Variants in UBL3 observed in about 807,000 individuals in gnomAD.
UBL3 encodes the protein ubiquitin-like protein 3.
A neutral mutation model predicts 18.4 loss-of-function variants in UBL3; 6 were observed. That is an observed-to-expected ratio of 0.33 (90% CI 0.18 to 0.64). The LOEUF (loss-of-function observed/expected upper bound fraction) is 0.64. Ranked by LOEUF, UBL3 falls within the 30% of genes least tolerant of loss-of-function variation. UBL3 has a pLI of 0.76. For synonymous variants in UBL3, 49 were observed against 46.6 expected, an observed-to-expected ratio of 1.05 and a Z score of -0.21; for missense variants, 109 against 142.9, an observed-to-expected ratio of 0.76 and a Z score of 1.21.
chr13:29,795,058 C>G (rs1877573488), intron 1 of UBL3, among the ~76,000 whole-genome samples: 1 of 152,180 alleles, frequency 6.6e-6, no homozygotes, highest in Non-Finnish European at 1.5e-5. Context: ...ACATTCATTT[C>G]AAATTCAAGT....
At chr13:29,784,174 A>C (rs1309869362) in intron 1 of UBL3, among the ~76,000 whole-genome samples, 2 of 152,176 alleles carry the variant, frequency 1.3e-5, no homozygotes, top group Non-Finnish European at 2.9e-5. Context: ...TACATATAGA[A>C]CTTAGTTTAT....
chr13:29,802,859 T>C (rs1231481742), intron 1 of UBL3, among the ~76,000 whole-genome samples: 1 of 152,188 alleles, frequency 6.6e-6, no homozygotes, highest in Admixed American at 6.5e-5. Context: ...GGGAAGAAAG[T>C]AAGCAACTTG....
At chr13:29,782,751 AG>A (rs1229404011) in intron 1 of UBL3, among the ~76,000 whole-genome samples, 1 of 152,206 alleles carries the variant, frequency 6.6e-6, no homozygotes. Context: ...TGGGTGGGGA[AG>A]GGGGAGAAAA....
intron 1 of UBL3, among the ~76,000 whole-genome samples, chr13:29,832,403 G>A (rs935645806): frequency 6.6e-6 from 1 of 151,168 alleles, no homozygotes; most frequent in Non-Finnish European, 1.5e-5. Flanking sequence ...CGCTATCTCG[G>A]CTCACTGCAA....
rs1593681942 is a variant in UBL3 at position 29,849,917 on chromosome 13, G to T, written c.-379C>A. ...TGCGCCTTCCTCCTTTCCCAGCCCC[G>T]GCAATGATTCACACTTGCTCCCGAG... is the stretch of plus-strand genomic sequence containing the variant. On this transcript the variant is annotated 5_prime_UTR_variant, in exon 1 of 5. Coordinates refer to ENST00000380680, the MANE Select transcript of UBL3 (RefSeq NM_007106.4). 1 of 371,954 alleles carries T rather than the reference G, an allele frequency of 2.7e-6. No individual in the cohort carries two copies. Among genetic ancestry groups the T allele is most frequent in the Non-Finnish European group, 5.1e-6 (1 of 197,568 alleles). 23.0% of individuals were successfully genotyped at this position (371,954 alleles called of 1,614,324 possible).
chr13:29,816,948 G>T (rs1037545817), intron 1 of UBL3, among the ~76,000 whole-genome samples: 1 of 152,002 alleles, frequency 6.6e-6, no homozygotes, highest in Non-Finnish European at 1.5e-5. Flanking sequence ...GTAAATTAGG[G>T]TTATCTATCA....
chr13:29,794,372 G>A (rs796284044), intron 1 of UBL3, among the ~76,000 whole-genome samples: 2 of 141,514 alleles, frequency 1.4e-5, no homozygotes, highest in Non-Finnish European at 3.1e-5. Context: ...ACACACACAC[G>A]CACCCCTACC....
chr13:29,824,734 G>T (rs930305877), intron 1 of UBL3, among the ~76,000 whole-genome samples: 4 of 152,080 alleles, frequency 2.6e-5, no homozygotes, highest in African/African-American at 4.8e-5. Context: ...GTGAATTTTG[G>T]CTTTTGTTGC....
intron 3 of UBL3, among the ~76,000 whole-genome samples, chr13:29,771,381 C>T (rs1342462502): frequency 6.6e-6 from 1 of 152,156 alleles, no homozygotes; most frequent in Admixed American, 6.5e-5. Context: ...TATTGAGCTA[C>T]ATTTCTCCAA....
intron 1 of UBL3, among the ~76,000 whole-genome samples, chr13:29,840,336 C>T (rs186592519): frequency 2.0e-4 from 31 of 152,192 alleles, no homozygotes; most frequent in Middle Eastern, 6.8e-3. Context: ...TATGTACTGA[C>T]GAAATACAAT....
chr13:29,772,121 T>C lies in UBL3; in HGVS notation c.214A>G (p.Thr72Ala). The change falls in exon 3 of 5, where the codon ACA becomes GCA. Residue 72 changes from threonine (T) to alanine (A), a missense_variant. By Grantham distance (58) the Thr-to-Ala change is moderately conservative (BLOSUM62 0). Transcript: ENST00000380680. ...YQGRFLHGNV[T>A]LGALKLPFGK... ...CAAAGGTGGCTGTTACCTCCTAATG[T>C]GACATTTCCATGTAGAAATCGTCCT... The C allele has an allele frequency of 6.2e-7, 1 of 1,611,544 alleles. No homozygotes were observed. Among genetic ancestry groups the C allele is most frequent in the Non-Finnish European group, 8.5e-7 (1 of 1,178,324 alleles).
chr13:29,833,464 A>G (rs946823255), intron 1 of UBL3, among the ~76,000 whole-genome samples: 5 of 152,340 alleles, frequency 3.3e-5, no homozygotes, highest in East Asian at 3.9e-4. Flanking sequence ...CAAATACCAC[A>G]AGAAACATAA....
At chr13:29,825,327 T>C (rs1878587558) in intron 1 of UBL3, among the ~76,000 whole-genome samples, 1 of 152,220 alleles carries the variant, frequency 6.6e-6, no homozygotes, top group African/African-American at 2.4e-5. Context: ...ATTATTCCTA[T>C]CCATCAGCAT....
intron 1 of UBL3, among the ~76,000 whole-genome samples, chr13:29,781,046 G>C (rs772089846): frequency 1.3e-5 from 2 of 152,024 alleles, no homozygotes; most frequent in Non-Finnish European, 2.9e-5. Flanking sequence ...ATGGTGATGC[G>C]CGCTTGTAGT....
intron 1 of UBL3, among the ~76,000 whole-genome samples, chr13:29,831,997 G>GAC (rs1878788659): frequency 1.3e-5 from 2 of 152,112 alleles, no homozygotes; most frequent in Admixed American, 6.6e-5. Flanking sequence ...GTGCCCAATA[G>GAC]ACACAAGTAG....
At chr13:29,847,618 C>T (rs79900810) in intron 1 of UBL3, among the ~76,000 whole-genome samples, 1,998 of 152,262 alleles carry the variant, frequency 0.013, 41 homozygotes, top group African/African-American at 0.044. Context: ...AAGGAAGTAG[C>T]GGCACTGTTT....
At chr13:29,801,224 G>A (rs1877756348) in intron 1 of UBL3, among the ~76,000 whole-genome samples, 1 of 152,116 alleles carries the variant, frequency 6.6e-6, no homozygotes, top group Admixed American at 6.5e-5. Context: ...TCTTTTCTCT[G>A]TGAGACCCCA....
At chr13:29,817,779 A>G (rs1316787961) in intron 1 of UBL3, among the ~76,000 whole-genome samples, 1 of 152,174 alleles carries the variant, frequency 6.6e-6, no homozygotes, top group Admixed American at 6.5e-5. Context: ...CTAATCCCAA[A>G]CTGGGTCAGC....
At chr13:29,794,042 C>T (rs1254593286) in intron 1 of UBL3, among the ~76,000 whole-genome samples, 5 of 152,000 alleles carry the variant, frequency 3.3e-5, no homozygotes, top group African/African-American at 7.3e-5. Flanking sequence ...GATAAGGTTT[C>T]GCCACGTTGG....
Sources: allele counts gnomAD v4.1 joint callset (sites outside exome capture counted in the v4.1 genomes callset), GRCh38; gene constraint gnomAD v4.1.1; transcripts MANE v1.5; gene names NCBI Gene and HGNC (gene_info 2026-07-23, HGNC 2026-07-21).